The following RTTN variants were observed in gnomAD, a reference collection of about 807,000 sequenced individuals.
RTTN encodes the protein rotatin.
RTTN carries 182 observed loss-of-function variants against 269.2 expected under a neutral mutation model. The observed-to-expected ratio is 0.68, with a 90% CI of 0.60 to 0.76. The LOEUF (loss-of-function observed/expected upper bound fraction) is 0.76. RTTN is among the 30% of genes least tolerant of loss of function. The pLI is 0.00. For synonymous variants in RTTN, 1,006 were observed against 963.5 expected, an observed-to-expected ratio of 1.04 and a Z score of -0.82; for missense variants, 2,545 against 2,608.6, an observed-to-expected ratio of 0.98 and a Z score of 0.53.
intron 28 of RTTN, among the ~76,000 whole-genome samples, chr18:70,100,802 G>A (rs900431753): frequency 1.3e-5 from 2 of 152,096 alleles, no homozygotes; most frequent in Non-Finnish European, 2.9e-5. Flanking sequence ...GTTGAATTTT[G>A]TCAATGGCCT....
rs138038399 is a variant in RTTN at position 70,036,143 on chromosome 18, T to C, written c.5542-5162A>G. Among the ~76,000 whole-genome samples, 46 of 152,294 alleles carry C rather than the reference T, an allele frequency of 3.0e-4. No homozygotes were observed. The East Asian group carries it at 7.3e-3, about 24-fold the overall frequency. On this transcript the variant is annotated intron_variant, in intron 40 of 48. Coordinates refer to ENST00000640769, the MANE Select transcript of RTTN (RefSeq NM_173630.4). ...ATTGGGAAGGCAGTGTGGTGATTCC[T>C]CAACAAGCTAAAAAAAGGACTGCAA...
intron 28 of RTTN, among the ~76,000 whole-genome samples, chr18:70,102,676 T>G (rs1393200064): frequency 1.3e-5 from 2 of 152,218 alleles, no homozygotes; most frequent in Non-Finnish European, 2.9e-5. Flanking sequence ...TCAATGGTCT[T>G]TACAAGTTGG....
chr18:70,166,010 G>C (rs2060975071), intron 14 of RTTN, 52 bp downstream of exon 14: 5 of 1,581,494 alleles, frequency 3.2e-6, no homozygotes, highest in Admixed American at 1.7e-5. Context: ...TATAACAAGA[G>C]AGTCTACTAT....
At chr18:70,055,714 T>C (rs537219731) in intron 37 of RTTN, among the ~76,000 whole-genome samples, 7 of 152,348 alleles carry the variant, frequency 4.6e-5, no homozygotes, top group African/African-American at 1.7e-4. Context: ...AGAAGTGTTA[T>C]AGAGAAAACG....
intron 40 of RTTN, among the ~76,000 whole-genome samples, chr18:70,046,532 A>T (rs1476703420): frequency 6.6e-6 from 1 of 152,322 alleles, no homozygotes; most frequent in East Asian, 1.9e-4. Context: ...TCCTTACAAC[A>T]TTCTTTAAAG....
At chr18:70,051,326 A>T (rs2057660415) in intron 39 of RTTN, 85 bp downstream of exon 39, 27 of 1,418,174 alleles carry the variant, frequency 1.9e-5, no homozygotes, top group Non-Finnish European at 2.5e-5. Flanking sequence ...ACTTAACTTT[A>T]GTGAATTTAC....
At chr18:70,199,886 T>C (rs1392420792) in intron 4 of RTTN, among the ~76,000 whole-genome samples, 1 of 152,182 alleles carries the variant, frequency 6.6e-6, no homozygotes, top group African/African-American at 2.4e-5. Flanking sequence ...TTTTCAAAAT[T>C]AAAAATGATA....
At position 70,030,992 on chromosome 18, in the gene RTTN, T is replaced by C. The variant is rs767513250; in HGVS notation, c.5542-11A>G. On this transcript the variant is annotated splice_polypyrimidine_tract_variant and intron_variant, in intron 40 of 48. Coordinates refer to ENST00000640769, the MANE Select transcript of RTTN (RefSeq NM_173630.4). ...TTTCCCTTCATAGCACTGCAGAGAA[T>C]ATAAATCAAACTGCCTTGAAGAAAT... 8.2e-6 allele frequency: 13 copies of C among 1,580,758 alleles called. No homozygotes were observed. The South Asian group carries it at 1.5e-4, about 18-fold the overall frequency.
chr18:70,096,130 GT>G (rs1332635619), intron 28 of RTTN, among the ~76,000 whole-genome samples: 1 of 151,518 alleles, frequency 6.6e-6, no homozygotes, highest in Non-Finnish European at 1.5e-5. Flanking sequence ...TTCTGGTGCT[GT>G]TTTTTTCAGC....
chr18:70,079,609 A>G lies in RTTN; in HGVS notation c.4375-4068T>C, dbSNP rs369267010. ...AATTGCTCTGTCTCAAGACTTCTGT[A>G]TCATGACTAGCCTTGCCCTCAGGTG... On this transcript the variant is annotated intron_variant, in intron 32 of 48. Transcript: ENST00000640769. 4.7e-4 allele frequency among the ~76,000 whole-genome samples: 71 copies of G among 152,270 alleles called. No individual in the cohort carries two copies. In the South Asian group the frequency reaches 8.1e-3, roughly 17 times the overall value.
chr18:70,201,274 G>C (rs138641507), intron 4 of RTTN, among the ~76,000 whole-genome samples: 4 of 152,330 alleles, frequency 2.6e-5, no homozygotes, highest in African/African-American at 9.6e-5. Flanking sequence ...GAACAAATGA[G>C]ATGACATGTG....
At chr18:70,077,922 A>G (rs1202199189) in intron 32 of RTTN, among the ~76,000 whole-genome samples, 3 of 151,878 alleles carry the variant, frequency 2.0e-5, no homozygotes, top group African/African-American at 4.8e-5. Context: ...GAAATCAGAG[A>G]AAATAAATTC....
rs757133356 is a variant in RTTN at position 70,205,591 on chromosome 18, G to T, written c.31+37C>A. On this transcript the variant is annotated intron_variant, in intron 1 of 48. Transcript: ENST00000640769. ...CATTCTCAGCAAGTGGCCAGAGCGC[G>T]GGGGGTGCCTTGGGCGAGGGGCAAG... 3.1e-6 allele frequency: 5 copies of T among 1,611,314 alleles called. No individual in the cohort carries two copies. In the African/African-American group the frequency reaches 6.7e-5, roughly 22 times the overall value.
rs774220370 is a variant in RTTN, at chr18:70,150,727, A to G, written c.1936T>C (p.Leu646=). The part of the protein sequence containing the change: ...HCCLEITKEC[L]GVHNVTKPVS... ...GGTTTAGTGACATTATGGACACCTA[A>G]ACATTCCTGTAAAATAATATTAAAA... Residue 646 remains leucine (L), a synonymous_variant, in exon 15 of 49, where the codon TTA becomes CTA. Coordinates refer to ENST00000640769, the MANE Select transcript of RTTN (RefSeq NM_173630.4). 2 of 1,582,218 alleles carry G rather than the reference A, an allele frequency of 1.3e-6. No homozygotes were observed. Among genetic ancestry groups the G allele is most frequent in the African/African-American group, 2.7e-5 (2 of 73,580 alleles).
rs763422569 is a variant in RTTN, at chr18:70,190,539, T to G, written c.1188A>C (p.Thr396=). 1 of 1,601,302 alleles carries G rather than the reference T, an allele frequency of 6.2e-7. No homozygotes were observed. Among genetic ancestry groups the G allele is most frequent in the Admixed American group, 1.7e-5 (1 of 59,820 alleles). ...ATTACGATTTCTAAAACAACTAACC[T>G]GTTCTTAAGAGAGGAACAGCTGATT... ...ILESAVPLLR[T]GSRQVIIRVL... The change falls in exon 9 of 49, where the codon ACA becomes ACC. Residue 396 remains threonine, a splice_region_variant and synonymous_variant. Coordinates refer to ENST00000640769, the MANE Select transcript of RTTN (RefSeq NM_173630.4).
chr18:70,005,051 A>T (rs2145424977), intron 48 of RTTN, 147 bp downstream of exon 48: 2 of 516,778 alleles, frequency 3.9e-6, no homozygotes, highest in Non-Finnish European at 6.8e-6. Flanking sequence ...TTATTATTTT[A>T]AAAAATGATA....
chr18:70,020,405 T>C (rs1255014809), intron 45 of RTTN, among the ~76,000 whole-genome samples: 2 of 152,128 alleles, frequency 1.3e-5, no homozygotes, highest in Non-Finnish European at 2.9e-5. Flanking sequence ...GAGAAGGAAA[T>C]GGTATGACTC....
intron 40 of RTTN, among the ~76,000 whole-genome samples, chr18:70,034,272 C>A (rs904545436): frequency 2.0e-5 from 3 of 152,150 alleles, no homozygotes; most frequent in Non-Finnish European, 4.4e-5. Context: ...GGGTCAATAT[C>A]CTTGATGAAC....
intron 34 of RTTN, among the ~76,000 whole-genome samples, chr18:70,068,308 G>A (rs1317257930): frequency 2.0e-5 from 3 of 152,168 alleles, no homozygotes; most frequent in Non-Finnish European, 4.4e-5. Flanking sequence ...ATGAGCCTAC[G>A]AAGCTATAGG....
Sources: allele counts gnomAD v4.1 joint callset (sites outside exome capture counted in the v4.1 genomes callset), GRCh38; gene constraint gnomAD v4.1.1; transcripts MANE v1.5; gene names NCBI Gene and HGNC (gene_info 2026-07-23, HGNC 2026-07-21).